Variants in LIPA observed in about 807,000 individuals in gnomAD.
The protein encoded by LIPA is lysosomal acid lipase/cholesteryl ester hydrolase.
LIPA carries 26 observed loss-of-function variants against 40.6 expected under a neutral mutation model. The ratio of observed to expected loss-of-function variants is 0.64; its 90% CI spans 0.47 to 0.89. The LOEUF is 0.89. Among genes scored for constraint, LIPA ranks in the 40% least tolerant of loss-of-function variants. The pLI, the probability that LIPA is intolerant of heterozygous loss-of-function variation, is 0.00. For synonymous variants in LIPA, 188 were observed against 168.4 expected (o/e 1.12, Z -0.90); for missense variants, 455 against 479.6 (o/e 0.95, Z 0.48).
chr10:89,228,177 T>C (rs750968727), intron 4 of LIPA, 23 bp downstream of exon 4: 1 of 1,591,982 alleles, frequency 6.3e-7, no homozygotes, highest in Non-Finnish European at 8.6e-7. Context: ...AATACATCCA[T>C]GCCATTATCA....
At chr10:89,263,047 C>T (rs1443728920) in intron 1 of LIPA, among the ~76,000 whole-genome samples, 1 of 152,224 alleles carries the variant, frequency 6.6e-6, no homozygotes, top group Non-Finnish European at 1.5e-5. Context: ...TCATGAATTC[C>T]TTACCTCTTT....
In LIPA at chr10:89,214,811, C is replaced by G; in HGVS notation, c.*17G>C. 2 of 1,398,830 alleles carry G rather than the reference C, an allele frequency of 1.4e-6. No homozygotes were observed. Among genetic ancestry groups the G allele is most frequent in the Non-Finnish European group, 2.0e-6 (2 of 984,426 alleles). The allele number at this position is 1,398,830 out of a possible 1,614,324, so 86.7% of individuals were successfully genotyped here. A position where few individuals can be genotyped will look rare whatever the true frequency, so the allele number is the denominator to read the frequency against. On this transcript the variant is annotated 3_prime_UTR_variant, in exon 10 of 10. Coordinates refer to ENST00000336233, the MANE Select transcript of LIPA (RefSeq NM_000235.4). ...ACATAATCATTGACTTGGTGGTACA[C>G]AGCTCAAGTCCAGCTTTCACTGATA...
rs144483233 is a variant in LIPA at position 89,403,659 on chromosome 10, C to A, written c.61+9132G>T. Reference sequence around the variant, plus strand: ...GAATGAAGCCCTGGAGTACTATGAGCGGGCCCTGAGACTGGCTGCTGACTT... The same window carrying A: ...GAATGAAGCCCTGGAGTACTATGAGAGGGCCCTGAGACTGGCTGCTGACTT... On this transcript the variant is annotated intron_variant, in intron 2 of 8. Transcript: ENST00000371837. 4.3e-6 allele frequency: 7 copies of A among 1,610,492 alleles called. No individual in the cohort carries two copies. The South Asian group carries it at 7.8e-5, about 18-fold the overall frequency.
At chr10:89,287,778 T>A (rs532933525) in intron 1 of LIPA, among the ~76,000 whole-genome samples, 1 of 152,258 alleles carries the variant, frequency 6.6e-6, no homozygotes, top group East Asian at 1.9e-4. Context: ...CTCCTTACAA[T>A]TCCCCCATTT....
At chr10:89,336,214 G>C (rs1184619468) in intron 1 of LIPA, among the ~76,000 whole-genome samples, 1 of 151,554 alleles carries the variant, frequency 6.6e-6, no homozygotes, top group African/African-American at 2.4e-5. Context: ...AAATAGGGAG[G>C]GAGGAAGAGA....
At chr10:89,283,011 G>T (rs768314259) in intron 1 of LIPA, among the ~76,000 whole-genome samples, 3 of 152,170 alleles carry the variant, frequency 2.0e-5, no homozygotes, top group Non-Finnish European at 4.4e-5. Flanking sequence ...GTCCTATAAA[G>T]CCCTGAGCAA....
chr10:89,394,846 G>A (rs1844318664), intron 2 of LIPA, among the ~76,000 whole-genome samples: 1 of 151,676 alleles, frequency 6.6e-6, no homozygotes, highest in South Asian at 2.1e-4. Context: ...CTCCCTACTT[G>A]CCTCTTTCCC....
chr10:89,296,375 C>G (rs1343488183), intron 1 of LIPA, among the ~76,000 whole-genome samples: 2 of 151,454 alleles, frequency 1.3e-5, no homozygotes, highest in Non-Finnish European at 2.9e-5. Context: ...GGCCAAGTAG[C>G]CAGCTACTTG....
At chr10:89,303,235 G>C (rs999715774) in intron 1 of LIPA, among the ~76,000 whole-genome samples, 1 of 152,130 alleles carries the variant, frequency 6.6e-6, no homozygotes, top group Non-Finnish European at 1.5e-5. Context: ...TCTCAAAATT[G>C]AGCATGCATA....
At chr10:89,216,847 A>G (rs1842633979) in intron 8 of LIPA, among the ~76,000 whole-genome samples, 1 of 152,192 alleles carries the variant, frequency 6.6e-6, no homozygotes, top group East Asian at 1.9e-4. Context: ...TATATTAGTC[A>G]AATTTTAATG....
chr10:89,250,639 G>A (rs1211593091), intron 1 of LIPA, among the ~76,000 whole-genome samples: 4 of 152,178 alleles, frequency 2.6e-5, no homozygotes, highest in African/African-American at 9.7e-5. Context: ...AGCATCTGCA[G>A]GAGCTGCTTT....
intron 1 of LIPA, among the ~76,000 whole-genome samples, chr10:89,414,202 T>C (rs891772324): frequency 1.3e-5 from 2 of 152,190 alleles, no homozygotes; most frequent in Non-Finnish European, 2.9e-5. Flanking sequence ...ACAGCATAGA[T>C]GTATAGCATT....
At chr10:89,236,369 CACTAATCA>C (rs112401007) in intron 3 of LIPA, among the ~76,000 whole-genome samples, 17,082 of 152,226 alleles carry the variant, frequency 0.11, 2,127 homozygotes, top group African/African-American at 0.31. Flanking sequence ...TTTCTCATGA[CACTAATCA>C]TCTCCACGTA....
intron 1 of LIPA, among the ~76,000 whole-genome samples, chr10:89,326,053 G>A (rs1042560078): frequency 6.6e-6 from 1 of 152,046 alleles, no homozygotes; most frequent in Non-Finnish European, 1.5e-5. Flanking sequence ...ACTAAAAATA[G>A]AACTACCATA....
intron 2 of LIPA, among the ~76,000 whole-genome samples, chr10:89,389,975 C>CTT (rs56947144): frequency 5.4e-3 from 435 of 80,168 alleles, no homozygotes; most frequent in Non-Finnish European, 7.1e-3. Context: ...AGATTTCTTT[C>CTT]TTTTTTTTTT....
chr10:89,388,743 C>A (rs1035956495), intron 2 of LIPA, among the ~76,000 whole-genome samples: 11 of 150,578 alleles, frequency 7.3e-5, no homozygotes, highest in Middle Eastern at 3.4e-3. Context: ...TACACAGGAT[C>A]TTTTCTGAAA....
upstream of LIPA, among the ~76,000 whole-genome samples, chr10:89,345,876 A>G (rs963381340): frequency 5.3e-5 from 8 of 152,208 alleles, no homozygotes; most frequent in African/African-American, 1.9e-4. Context: ...AATGGAGGAA[A>G]GGCAATAGTT....
At chr10:89,298,425 A>T (rs530427588) in intron 1 of LIPA, among the ~76,000 whole-genome samples, 4 of 152,228 alleles carry the variant, frequency 2.6e-5, no homozygotes, top group African/African-American at 9.7e-5. Flanking sequence ...ATCACAGCCA[A>T]ATAAATTGTA....
chr10:89,376,313 C>T (rs11203099), intron 2 of LIPA, among the ~76,000 whole-genome samples: 35,013 of 151,570 alleles, frequency 0.23, 4,211 homozygotes, highest in African/African-American at 0.25. Context: ...CTTGAATAGA[C>T]GTGGAGATGG....
Sources: gnomAD v4.1 joint callset for allele counts (sites outside exome capture counted in the v4.1 genomes callset) on GRCh38, gnomAD v4.1.1 for gene constraint, MANE v1.5 for transcripts, NCBI Gene and HGNC (gene_info 2026-07-23, HGNC 2026-07-21) for gene names.